The following WWOX variants were observed in gnomAD, a reference collection of about 807,000 sequenced individuals.
WWOX encodes WW domain containing oxidoreductase.
In WWOX, 69 loss-of-function variants were observed where a neutral mutation model predicts 46.2. The observed-to-expected ratio is 1.49, with a 90% CI of 1.23 to 1.82. WWOX has a LOEUF of 1.82. WWOX is among the 40% of genes most tolerant of loss of function. The probability of loss-of-function intolerance (pLI) is 0.00; values close to 1 mark genes in which losing one functional copy is unlikely to be tolerated. For missense variants in WWOX, 919 were observed against 542.6 expected (o/e 1.69, Z -6.89); for synonymous variants, 359 against 202.6 (o/e 1.77, Z -6.56).
At position 78,347,497 on chromosome 16, in the gene WWOX, C is replaced by G. The variant is rs772382726; in HGVS notation, c.517-39363C>G. 3.4e-5 allele frequency among the ~76,000 whole-genome samples: 4 copies of G among 117,806 alleles called. 1 individual carries two copies. Among genetic ancestry groups the G allele is most frequent in the Non-Finnish European group, 6.0e-5 (3 of 49,680 alleles). 77.3% of individuals were successfully genotyped at this position (117,806 alleles called of 152,430 possible). A position where few individuals can be genotyped will look rare whatever the true frequency, so the allele number is the denominator to read the frequency against. Reference sequence around the variant, plus strand: ...ATGTCCCCCCACATATCATTGCTATCCCTCCTCGACACCCACACCTCTTGC... The same window carrying G: ...ATGTCCCCCCACATATCATTGCTATGCCTCCTCGACACCCACACCTCTTGC... On this transcript the variant is annotated intron_variant, in intron 5 of 8. Coordinates refer to ENST00000566780, the MANE Select transcript of WWOX (RefSeq NM_016373.4).
intron 8 of WWOX, among the ~76,000 whole-genome samples, chr16:78,507,600 C>T (rs1206456109): frequency 1.3e-5 from 2 of 152,156 alleles, no homozygotes; most frequent in African/African-American, 2.4e-5. Flanking sequence ...ACATCAGTGT[C>T]ACACACATAT....
At chr16:78,678,373 G>T (rs200911404) in intron 8 of WWOX, among the ~76,000 whole-genome samples, 1 of 152,144 alleles carries the variant, frequency 6.6e-6, no homozygotes, top group South Asian at 2.1e-4. Flanking sequence ...GAGACCTTCT[G>T]TCTAAAAATA....
intron 8 of WWOX, among the ~76,000 whole-genome samples, chr16:78,946,245 C>T (rs1036583453): frequency 1.2e-4 from 18 of 152,130 alleles, no homozygotes; most frequent in African/African-American, 4.3e-4. Flanking sequence ...GGATGGAGTA[C>T]AGCAGTGCAA....
chr16:79,092,547 G>C (rs2048983769), intron 8 of WWOX, among the ~76,000 whole-genome samples: 1 of 152,152 alleles, frequency 6.6e-6, no homozygotes, highest in African/African-American at 2.4e-5. Context: ...TTCAGCTGCA[G>C]TTCAGGGAAA....
intron 8 of WWOX, among the ~76,000 whole-genome samples, chr16:78,910,128 CGTCT>C (rs2045070284): frequency 6.6e-6 from 1 of 151,868 alleles, no homozygotes; most frequent in East Asian, 1.9e-4. Context: ...AAATATTCCT[CGTCT>C]GTCCTTCTGG....
At chr16:79,191,992 A>G (rs1222430095) in intron 8 of WWOX, among the ~76,000 whole-genome samples, 1 of 152,216 alleles carries the variant, frequency 6.6e-6, no homozygotes, top group Non-Finnish European at 1.5e-5. Flanking sequence ...TACCGCAATC[A>G]CTTGAAACGC....
At chr16:78,885,750 T>C (rs1183762217) in intron 8 of WWOX, among the ~76,000 whole-genome samples, 1 of 152,130 alleles carries the variant, frequency 6.6e-6, no homozygotes, top group East Asian at 1.9e-4. Context: ...AAGTTTTTTT[T>C]TTAACTGATA....
chr16:78,580,322 C>T (rs2045017036), intron 8 of WWOX, among the ~76,000 whole-genome samples: 1 of 152,138 alleles, frequency 6.6e-6, no homozygotes. Context: ...ATTGCACCTT[C>T]CTCGGCCTCC....
chr16:79,207,217 G>A (rs992777011), intron 8 of WWOX, among the ~76,000 whole-genome samples: 6 of 152,214 alleles, frequency 3.9e-5, no homozygotes, highest in African/African-American at 1.4e-4. Context: ...TCCTAGTGGT[G>A]TATTCACAGA....
intron 5 of WWOX, among the ~76,000 whole-genome samples, chr16:78,369,464 G>C (rs1322050288): frequency 6.6e-6 from 1 of 152,124 alleles, no homozygotes; most frequent in Non-Finnish European, 1.5e-5. Flanking sequence ...GAATGAAGGG[G>C]TATGCAGCAA....
chr16:78,409,419 C>T (rs1425533896), intron 6 of WWOX, among the ~76,000 whole-genome samples: 1 of 151,978 alleles, frequency 6.6e-6, no homozygotes, highest in Non-Finnish European at 1.5e-5. Flanking sequence ...TTTTTCTGTC[C>T]CTAGTTGTTT....
At chr16:79,122,174 C>T (rs1245738826) in intron 8 of WWOX, among the ~76,000 whole-genome samples, 1 of 152,118 alleles carries the variant, frequency 6.6e-6, no homozygotes, top group Non-Finnish European at 1.5e-5. Flanking sequence ...CCGCCACTTG[C>T]TTCTAAACCT....
intron 6 of WWOX, among the ~76,000 whole-genome samples, chr16:78,404,205 T>G (rs2082474614): frequency 6.6e-6 from 1 of 152,152 alleles, no homozygotes; most frequent in African/African-American, 2.4e-5. Flanking sequence ...ACTGATTGTA[T>G]GCAGTGTTTT....
At chr16:78,123,980 A>G (rs891106796) in intron 4 of WWOX, 1 of 152,108 alleles carries the variant, frequency 6.6e-6, no homozygotes, top group East Asian at 1.9e-4. Flanking sequence ...TCCATGTACA[A>G]TCTTAGGGAG....
intron 8 of WWOX, among the ~76,000 whole-genome samples, chr16:78,681,872 A>G (rs1466346150): frequency 6.6e-6 from 1 of 152,112 alleles, no homozygotes; most frequent in Admixed American, 6.5e-5. Flanking sequence ...GGTTAGAAAA[A>G]CACAAGTCTC....
intron 8 of WWOX, among the ~76,000 whole-genome samples, chr16:78,715,245 A>G (rs1359902582): frequency 6.6e-6 from 1 of 152,236 alleles, no homozygotes; most frequent in Non-Finnish European, 1.5e-5. Flanking sequence ...ACTGTAACAC[A>G]CAGAGCTTTG....
intron 5 of WWOX, among the ~76,000 whole-genome samples, chr16:78,368,842 G>C (rs1287255139): frequency 6.6e-6 from 1 of 152,220 alleles, no homozygotes; most frequent in East Asian, 1.9e-4. Flanking sequence ...ATGTGGCCCT[G>C]TGCCGGTGCC....
At chr16:78,846,979 C>T (rs1170880111) in intron 8 of WWOX, among the ~76,000 whole-genome samples, 3 of 152,338 alleles carry the variant, frequency 2.0e-5, no homozygotes, top group African/African-American at 7.2e-5. Context: ...TATTTTGGTG[C>T]TCAAATTGTT....
At chr16:78,826,209 G>T (rs959467963) in intron 8 of WWOX, among the ~76,000 whole-genome samples, 1 of 152,166 alleles carries the variant, frequency 6.6e-6, no homozygotes, top group East Asian at 1.9e-4. Context: ...ACAAAGATTA[G>T]CCTGGCGTGC....
Sources: gnomAD v4.1 joint callset for allele counts (sites outside exome capture counted in the v4.1 genomes callset) on GRCh38, gnomAD v4.1.1 for gene constraint, MANE v1.5 for transcripts, NCBI Gene and HGNC (gene_info 2026-07-23, HGNC 2026-07-21) for gene names.